The following DNAJB2 variants were observed in gnomAD, a reference collection of about 807,000 sequenced individuals.
DNAJB2 encodes the protein DnaJ heat shock protein family (Hsp40) member B2, also known as dnaJ homolog subfamily B member 2.
A neutral mutation model predicts 33.3 loss-of-function variants in DNAJB2; 19 were observed. The observed-to-expected ratio is 0.57, with a 90% CI of 0.40 to 0.84. The LOEUF (loss-of-function observed/expected upper bound fraction) is 0.84, where lower values mean the gene tolerates loss of function less well. DNAJB2 is among the 40% of genes least tolerant of loss of function. The probability of loss-of-function intolerance (pLI) is 0.00; values close to 1 mark genes in which losing one functional copy is unlikely to be tolerated. For synonymous variants in DNAJB2, 172 were observed against 164.6 expected (o/e 1.04, Z -0.34); for missense variants, 368 against 430.9 (o/e 0.85, Z 1.29).
At position 219,282,774 on chromosome 2, in the gene DNAJB2, C is replaced by G. The variant is rs146410427; in HGVS notation, c.353-63C>G. The stretch of plus-strand genomic sequence containing the variant: ...AGTGGTTTATACTTCCAGACTTGGG[C>G]TCACACACTTTTGAGGGGAAATGTC... On this transcript the variant is annotated intron_variant, in intron 5 of 8. Transcript: ENST00000336576. The G allele has an allele frequency of 1.2e-4, 182 of 1,466,540 alleles. 1 individual carries two copies. The East Asian group carries it at 3.5e-3, about 28-fold the overall frequency. The allele number at this position is 1,466,540 out of a possible 1,614,324, so 90.8% of individuals were successfully genotyped here.
intron 2 of DNAJB2, chr2:219,280,286 A>G (rs944734525): frequency 3.7e-6 from 2 of 533,954 alleles, no homozygotes; most frequent in Non-Finnish European, 6.7e-6. Context: ...GTACTCTTCG[A>G]GGCCACATGT....
At position 219,284,813 on chromosome 2, in the gene DNAJB2, G is replaced by A; in HGVS notation, c.801G>A (p.Glu267=). Reference sequence around the variant, plus strand: ...TGGCCTACAGCCTGTCAGAGATGGAGGCAGCTGGGAAGAAACCCGCAGGTG... The same window carrying A: ...TGGCCTACAGCCTGTCAGAGATGGAAGCAGCTGGGAAGAAACCCGCAGGTG... ...LAMAYSLSEM[E]AAGKKPAGGR... The change falls in exon 9 of 9, where the codon GAG becomes GAA. Residue 267 remains glutamate, a synonymous_variant. Transcript: ENST00000336576. The A allele has an allele frequency of 6.2e-7, 1 of 1,612,740 alleles. No individual in the cohort carries two copies. The highest frequency in any genetic ancestry group is 1.1e-5 in the South Asian group (1 of 90,960).
chr2:219,280,039 C>A, intron 2 of DNAJB2, 141 bp downstream of exon 2: 2 of 864,958 alleles, frequency 2.3e-6, no homozygotes, highest in South Asian at 1.6e-5. Flanking sequence ...GTGACACCTG[C>A]AGGGAGGAAA....
chr2:219,281,852 C>T (rs554986026), intron 4 of DNAJB2, 81 bp downstream of exon 4: 2 of 1,610,752 alleles, frequency 1.2e-6, no homozygotes, highest in South Asian at 2.2e-5. Context: ...TGGAGGCTCT[C>T]TCAGGCTCCT....
Position 219,286,807 on chromosome 2 carries a change from CACTG to C in DNAJB2, c.*1822_*1825del, listed in dbSNP as rs1376466830. The C allele has an allele frequency of 1.3e-5, 2 of 152,290 alleles. No individual in the cohort carries two copies. Among genetic ancestry groups the C allele is most frequent in the Admixed American group, 6.5e-5 (1 of 15,288 alleles). 9.4% of individuals were successfully genotyped at this position (152,290 alleles called of 1,614,324 possible). A position where few individuals can be genotyped will look rare whatever the true frequency, so the allele number is the denominator to read the frequency against. On this transcript the variant is annotated 3_prime_UTR_variant, in exon 9 of 9. Coordinates refer to ENST00000336576, the MANE Select transcript of DNAJB2 (RefSeq NM_006736.6). ...GGAGTGGTGGAGCCAGTCGCTGTAA[CACTG>C]AGCCTCAGAGACGAACCAAAACCAG...
chr2:219,284,728 C>T lies in DNAJB2; in HGVS notation c.716C>T (p.Thr239Ile), dbSNP rs757754420. Reference sequence around the variant, plus strand: ...TCTGGGGGCACTCAGGTCCAGCAGACCCCTGCCTCATGCCCCTTGGACAGC... The same window carrying T: ...TCTGGGGGCACTCAGGTCCAGCAGATCCCTGCCTCATGCCCCTTGGACAGC... ...SRSGGTQVQQ[T>I]PASCPLDSDL... Residue 239 changes from threonine to isoleucine, a missense_variant, in exon 9 of 9, where the codon ACC becomes ATC. Transcript: ENST00000336576. The T allele has an allele frequency of 2.5e-6, 4 of 1,613,464 alleles. No homozygotes were observed. The South Asian group carries it at 4.4e-5, about 18-fold the overall frequency.
chr2:219,285,274 T>C lies in DNAJB2; in HGVS notation c.*287T>C. The C allele has an allele frequency of 2.6e-6, 3 of 1,137,812 alleles. No individual in the cohort carries two copies. Among genetic ancestry groups the C allele is most frequent in the Non-Finnish European group, 3.2e-6 (3 of 926,734 alleles). 70.5% of individuals were successfully genotyped at this position (1,137,812 alleles called of 1,614,324 possible). A position where few individuals can be genotyped will look rare whatever the true frequency, so the allele number is the denominator to read the frequency against. ...TTGGATGGGGAGCTCCAAGGGGCAT[T>C]AGTGGTTTGGGCTGGGCCTTTTGTG... On this transcript the variant is annotated 3_prime_UTR_variant, in exon 9 of 9. Transcript: ENST00000336576.
At chr2:219,283,572 C>T (rs1951926838) in intron 8 of DNAJB2, 83 bp downstream of exon 8, 1 of 1,409,846 alleles carries the variant, frequency 7.1e-7, no homozygotes, top group East Asian at 2.4e-5. Flanking sequence ...CTGCTGCTCT[C>T]TGAACTCACT....
chr2:219,281,501 G>A, intron 3 of DNAJB2: 1 of 600,384 alleles, frequency 1.7e-6, no homozygotes, highest in Non-Finnish European at 3.0e-6. Flanking sequence ...GGTAGGTGTT[G>A]TGATGACAGC....
At chr2:219,282,211 G>A in intron 5 of DNAJB2, 150 bp downstream of exon 5, 2 of 1,261,108 alleles carry the variant, frequency 1.6e-6, no homozygotes, top group South Asian at 2.6e-5. Flanking sequence ...GTGAGAGCCG[G>A]GACAGAACCT....
intron 8 of DNAJB2, 44 bp downstream of exon 8, chr2:219,283,533 G>T: frequency 6.3e-7 from 1 of 1,584,180 alleles, no homozygotes; most frequent in Non-Finnish European, 8.6e-7. Context: ...GGAAGCCCCA[G>T]CCCCAACCTC....
Position 219,281,708 on chromosome 2 carries a change from C to T in DNAJB2, c.176-10C>T, listed in dbSNP as rs1160590413. 1 of 1,613,962 alleles carries T rather than the reference C, an allele frequency of 6.2e-7. No homozygotes were observed. Among genetic ancestry groups the T allele is most frequent in the African/African-American group, 1.3e-5 (1 of 75,030 alleles). On this transcript the variant is annotated splice_polypyrimidine_tract_variant and intron_variant, in intron 3 of 8. Coordinates refer to ENST00000336576, the MANE Select transcript of DNAJB2 (RefSeq NM_006736.6). ...GAGGGAGGGTGAAATGATCTGGTCT[C>T]TTTTTGCAGAGCACAAGCGGGAGAT...
rs1235225601 is a variant in DNAJB2 at position 219,283,144 on chromosome 2, T to C, written c.457T>C (p.Ser153Pro). The change falls in exon 7 of 9, where the codon TCA becomes CCA. Residue 153 changes from serine to proline, a missense_variant. Coordinates refer to ENST00000336576, the MANE Select transcript of DNAJB2 (RefSeq NM_006736.6). ...SFPGHSDFSS[S>P]SFSFSPGAGA... ...TGTCCCGATGCCAGATTTCTCCTCC[T>C]CATCTTTCTCCTTCAGTCCTGGGGC... 1.2e-6 allele frequency: 2 copies of C among 1,614,264 alleles called. No homozygotes were observed. Among genetic ancestry groups the C allele is most frequent in the East Asian group, 2.2e-5 (1 of 44,892 alleles).
chr2:219,279,784 C>T lies in DNAJB2; in HGVS notation c.-36-14C>T, dbSNP rs758270233. On this transcript the variant is annotated splice_polypyrimidine_tract_variant and intron_variant, in intron 1 of 8. Transcript: ENST00000336576. The surrounding 1 kb of genome is among the most constrained non-coding windows in gnomAD (Gnocchi z 4.9). ...GCTCTTGGTTCTTTCCGCCTGACTCCTTCTCTTCTGCAGCCCCAAGGAGGC... is the reference window on the plus strand; with the variant it reads ...GCTCTTGGTTCTTTCCGCCTGACTCTTTCTCTTCTGCAGCCCCAAGGAGGC... The T allele has an allele frequency of 3.3e-5, 53 of 1,607,838 alleles. No homozygotes were observed. The East Asian group carries it at 1.1e-3, about 34-fold the overall frequency.
In DNAJB2 at chr2:219,279,608, G is replaced by A; in HGVS notation, c.-37+90G>A. 1.8e-6 allele frequency: 1 copy of A among 549,410 alleles called. No homozygotes were observed. The highest frequency in any genetic ancestry group is 2.1e-5 in the South Asian group (1 of 46,798). The allele number at this position is 549,410 out of a possible 1,614,324, so 34.0% of individuals were successfully genotyped here. ...GATAGGGCTCCTGGGCCTGGGCGTC[G>A]AGATAGCTCTTGGCCCCGGCCTGCG... On this transcript the variant is annotated intron_variant, in intron 1 of 8. Transcript: ENST00000336576. This position sits in a 1 kb window ranked among gnomAD's most constrained non-coding sequence, Gnocchi z 4.9.
chr2:219,282,079 G>C lies in DNAJB2; in HGVS notation c.352+18G>C. 6.2e-7 allele frequency: 1 copy of C among 1,614,050 alleles called. No homozygotes were observed. ...GCTCTTTGGTGAGTGGACTCTGGAAGCCTCTGAATGGCTCAACTTCCCCCT... is the reference window on the plus strand; with the variant it reads ...GCTCTTTGGTGAGTGGACTCTGGAACCCTCTGAATGGCTCAACTTCCCCCT... On this transcript the variant is annotated intron_variant, in intron 5 of 8. Coordinates refer to ENST00000336576, the MANE Select transcript of DNAJB2 (RefSeq NM_006736.6).
chr2:219,282,364 A>G lies in DNAJB2; in HGVS notation c.352+303A>G. The G allele has an allele frequency of 6.5e-6, 3 of 461,700 alleles. No homozygotes were observed. In the East Asian group the frequency reaches 1.2e-4, roughly 19 times the overall value. 28.6% of individuals were successfully genotyped at this position (461,700 alleles called of 1,614,324 possible). On this transcript the variant is annotated intron_variant, in intron 5 of 8. Transcript: ENST00000336576. ...AGCATCTTGTGACAATATTGTTATTATTACCTATAAAACAGATAGTGGTAT... is the reference window on the plus strand; with the variant it reads ...AGCATCTTGTGACAATATTGTTATTGTTACCTATAAAACAGATAGTGGTAT...
intron 4 of DNAJB2, 45 bp from the exon 5 acceptor site, chr2:219,281,894 G>A (rs747550577): frequency 1.9e-6 from 3 of 1,612,100 alleles, no homozygotes; most frequent in East Asian, 4.5e-5. Context: ...CCCCGCTCAG[G>A]GCAGGATGCA....
chr2:219,285,029 G>A lies in DNAJB2; in HGVS notation c.*42G>A, dbSNP rs1951942685. The A allele has an allele frequency of 2.8e-6, 4 of 1,445,244 alleles. No homozygotes were observed. Among genetic ancestry groups the A allele is most frequent in the African/African-American group, 2.8e-5 (2 of 70,226 alleles). The allele number at this position is 1,445,244 out of a possible 1,614,324, so 89.5% of individuals were successfully genotyped here. Reference sequence around the variant, plus strand: ...GATCTGATCCAGATCTTGACTGGGGGGTCTGACTCACTGTGGGAAGAGAAG... The same window carrying A: ...GATCTGATCCAGATCTTGACTGGGGAGTCTGACTCACTGTGGGAAGAGAAG... On this transcript the variant is annotated 3_prime_UTR_variant, in exon 9 of 9. Transcript: ENST00000336576.
Sources: allele counts gnomAD v4.1 joint callset, GRCh38; gene constraint gnomAD v4.1.1; non-coding constraint Gnocchi (gnomAD v3.1); transcripts MANE v1.5; gene names NCBI Gene and HGNC (gene_info 2026-07-23, HGNC 2026-07-21).